Variants in DPF3 observed in about 807,000 individuals in gnomAD.
DPF3 encodes double PHD fingers 3.
DPF3 carries 18 observed loss-of-function variants against 56.8 expected under a neutral mutation model. The ratio of observed to expected loss-of-function variants is 0.32; its 90% confidence interval spans 0.22 to 0.47. The LOEUF is 0.47. Ranked by LOEUF, DPF3 falls within the 20% of genes least tolerant of loss-of-function variation. The pLI is 1.00. For synonymous variants in DPF3, 188 were observed against 180.2 expected (o/e 1.04, Z -0.35); for missense variants, 403 against 488.8 (o/e 0.82, Z 1.65).
chr14:72,656,038 A>T (rs1254956490), intron 8 of DPF3, among the ~76,000 whole-genome samples: 4 of 152,146 alleles, frequency 2.6e-5, no homozygotes, highest in Non-Finnish European at 5.9e-5. Flanking sequence ...TGCTCCCTGG[A>T]GACCAAATGT....
intron 3 of DPF3, among the ~76,000 whole-genome samples, chr14:72,740,614 C>G (rs1890084710): frequency 6.6e-6 from 1 of 152,172 alleles, no homozygotes; most frequent in South Asian, 2.1e-4. Flanking sequence ...AGGTGTGAAG[C>G]CACACCAGGG....
At chr14:72,887,741 G>A (rs763222474) in intron 1 of DPF3, among the ~76,000 whole-genome samples, 4 of 152,188 alleles carry the variant, frequency 2.6e-5, no homozygotes, top group Admixed American at 1.3e-4. Flanking sequence ...TCTGGAAGCG[G>A]AGCTCAAGGC....
At chr14:72,775,591 T>C (rs1347762432) in intron 1 of DPF3, among the ~76,000 whole-genome samples, 1 of 152,210 alleles carries the variant, frequency 6.6e-6, no homozygotes, top group African/African-American at 2.4e-5. Context: ...AATGTATATT[T>C]CTAAATATAA....
chr14:72,800,419 T>G (rs61495904), intron 1 of DPF3, among the ~76,000 whole-genome samples: 2 of 139,470 alleles, frequency 1.4e-5, no homozygotes, highest in Non-Finnish European at 3.2e-5. Flanking sequence ...GATGGATGGA[T>G]GGACGGACAC....
At chr14:72,680,989 T>C (rs1420869031) in intron 7 of DPF3, among the ~76,000 whole-genome samples, 1 of 152,254 alleles carries the variant, frequency 6.6e-6, no homozygotes, top group Non-Finnish European at 1.5e-5. Context: ...ATCACTGTTC[T>C]ATACTCATGT....
chr14:72,671,270 A>G, intron 8 of DPF3: 2 of 1,613,982 alleles, frequency 1.2e-6, no homozygotes, highest in Non-Finnish European at 8.5e-7. Flanking sequence ...GTGGAACCGA[A>G]TAAGTCCTCC....
At chr14:72,672,182 G>C (rs1599343989) in intron 8 of DPF3, among the ~76,000 whole-genome samples, 1 of 152,216 alleles carries the variant, frequency 6.6e-6, no homozygotes, top group South Asian at 2.1e-4. Context: ...GAGTAGAAAA[G>C]CCCTAATAAA....
chr14:72,871,204 C>A (rs1021493057), intron 1 of DPF3, among the ~76,000 whole-genome samples: 2 of 152,196 alleles, frequency 1.3e-5, no homozygotes, highest in African/African-American at 4.8e-5. Context: ...CTGGGAGATA[C>A]AATTCAAGTT....
At chr14:72,834,586 C>T (rs1012356532) in intron 1 of DPF3, among the ~76,000 whole-genome samples, 1 of 151,340 alleles carries the variant, frequency 6.6e-6, no homozygotes, top group African/African-American at 2.4e-5. Context: ...ACCCCCCATA[C>T]ATCACTGATT....
intron 1 of DPF3, among the ~76,000 whole-genome samples, chr14:72,796,542 T>C (rs909537749): frequency 1.3e-5 from 2 of 152,180 alleles, no homozygotes; most frequent in African/African-American, 2.4e-5. Flanking sequence ...CAGGAAAATC[T>C]GCCTCTTAAG....
chr14:72,883,932 AAAAAAAAAAAG>A (rs1178411252), intron 1 of DPF3, among the ~76,000 whole-genome samples: 1 of 151,102 alleles, frequency 6.6e-6, no homozygotes, highest in Non-Finnish European at 1.5e-5. Flanking sequence ...GTCTCAAAAA[AAAAAAAAAAAG>A]AAAAAGAAAA....
rs143513244 is a variant in DPF3 at position 72,612,811 on chromosome 14, G to C, written c.*6486C>G. Reference sequence around the variant, plus strand: ...AAGGGAAGAGAAGGAGAGAGGTCGCGGAGCCAGTAGCTTTCCAAGCACAAG... The same window carrying C: ...AAGGGAAGAGAAGGAGAGAGGTCGCCGAGCCAGTAGCTTTCCAAGCACAAG... On this transcript the variant is annotated 3_prime_UTR_variant, in exon 11 of 11. Transcript: ENST00000556509. 2.0e-5 allele frequency among the ~76,000 whole-genome samples: 3 copies of C among 152,200 alleles called. No individual in the cohort carries two copies. Among genetic ancestry groups the C allele is most frequent in the Non-Finnish European group, 4.4e-5 (3 of 68,042 alleles).
chr14:72,791,111 A>G (rs1048879459), intron 1 of DPF3, among the ~76,000 whole-genome samples: 3 of 151,990 alleles, frequency 2.0e-5, no homozygotes, highest in East Asian at 1.9e-4. Flanking sequence ...TACCTCTGCA[A>G]TCTGGTGACC....
rs933162848 is a variant in DPF3, at chr14:72,893,944, G to A, written c.32+113C>T. Reference sequence around the variant, plus strand: ...GCTGAAAGAAGAGAGAAGCCCCGCCGCGGCTGGAGGCGCCTGCAAGCGCAA... The same window carrying A: ...GCTGAAAGAAGAGAGAAGCCCCGCCACGGCTGGAGGCGCCTGCAAGCGCAA... On this transcript the variant is annotated intron_variant, in intron 1 of 10. Transcript: ENST00000556509. 8 of 1,235,650 alleles carry A rather than the reference G, an allele frequency of 6.5e-6. No individual in the cohort carries two copies. The Admixed American group carries it at 8.9e-5, about 14-fold the overall frequency. The allele number at this position is 1,235,650 out of a possible 1,614,324, so 76.5% of individuals were successfully genotyped here.
At chr14:72,732,618 G>A (rs1287437006) in intron 3 of DPF3, among the ~76,000 whole-genome samples, 2 of 152,160 alleles carry the variant, frequency 1.3e-5, no homozygotes, top group East Asian at 3.9e-4. Context: ...GCCACGCCAC[G>A]ACCTTTTTTT....
At chr14:72,621,812 A>G (rs1416875584) in intron 9 of DPF3, among the ~76,000 whole-genome samples, 1 of 152,226 alleles carries the variant, frequency 6.6e-6, no homozygotes, top group Admixed American at 6.5e-5. Context: ...GTGATAGGGA[A>G]GAAGCCAAGG....
intron 3 of DPF3, among the ~76,000 whole-genome samples, chr14:72,739,207 G>C (rs138822019): frequency 6.6e-6 from 1 of 150,700 alleles, no homozygotes; most frequent in Non-Finnish European, 1.5e-5. Flanking sequence ...ATGCCACTGC[G>C]CTCCAGCCTA....
chr14:72,657,216 C>T (rs949026494), intron 8 of DPF3, among the ~76,000 whole-genome samples: 1 of 152,184 alleles, frequency 6.6e-6, no homozygotes, highest in African/African-American at 2.4e-5. Context: ...CTAATGGCAA[C>T]AACTCCACAT....
chr14:72,795,909 C>T (rs901158536), intron 1 of DPF3, among the ~76,000 whole-genome samples: 1 of 152,198 alleles, frequency 6.6e-6, no homozygotes, highest in African/African-American at 2.4e-5. Flanking sequence ...CTCTTATAAA[C>T]AATTGCACTT....
Sources: allele counts gnomAD v4.1 joint callset (sites outside exome capture counted in the v4.1 genomes callset), GRCh38; gene constraint gnomAD v4.1.1; transcripts MANE v1.5; gene names NCBI Gene and HGNC (gene_info 2026-07-23, HGNC 2026-07-21).